Variants in NEK10 observed in about 807,000 individuals in gnomAD.
The protein encoded by NEK10 is serine/threonine-protein kinase Nek10.
Under a neutral mutation model 159.8 loss-of-function variants are expected in NEK10, and 122 were observed. That is an observed-to-expected ratio of 0.76 (90% CI 0.66 to 0.89). NEK10 has a LOEUF of 0.89. Ranked by LOEUF, NEK10 falls within the 40% of genes least tolerant of loss-of-function variation. NEK10 has a pLI of 0.00. For synonymous variants in NEK10, 466 were observed against 457.1 expected (o/e 1.02, Z -0.25); for missense variants, 1,342 against 1,323.1 (o/e 1.01, Z -0.22).
At chr3:27,311,446 C>T (rs1190485491) in intron 8 of NEK10, 1 of 157,436 alleles carries the variant, frequency 6.4e-6, no homozygotes, top group African/African-American at 2.4e-5. Context: ...TTCCTAGTGC[C>T]CAGGGCTTGC....
intron 23 of NEK10, among the ~76,000 whole-genome samples, chr3:27,203,897 A>G (rs1473127040): frequency 3.3e-5 from 5 of 152,212 alleles, no homozygotes; most frequent in African/African-American, 1.2e-4. Flanking sequence ...TCAGTTCAAT[A>G]ATACGGAAAT....
intron 22 of NEK10, among the ~76,000 whole-genome samples, chr3:27,264,514 T>G (rs1025680295): frequency 1.3e-5 from 2 of 152,198 alleles, no homozygotes; most frequent in Non-Finnish European, 1.5e-5. Context: ...GTGAGTTCAA[T>G]AGAAGCCTGA....
chr3:27,245,704 C>G (rs932992942), intron 23 of NEK10, among the ~76,000 whole-genome samples: 1 of 152,144 alleles, frequency 6.6e-6, no homozygotes, highest in Non-Finnish European at 1.5e-5. Context: ...TGTTATGCAT[C>G]CAATACATAT....
chr3:27,147,674 A>G (rs1185378501), intron 30 of NEK10, among the ~76,000 whole-genome samples: 2 of 152,134 alleles, frequency 1.3e-5, no homozygotes, highest in East Asian at 1.9e-4. Context: ...TTAACTAACA[A>G]TCTACACCAA....
At chr3:27,187,594 C>T (rs908162315) in intron 26 of NEK10, among the ~76,000 whole-genome samples, 1 of 151,776 alleles carries the variant, frequency 6.6e-6, no homozygotes, top group East Asian at 1.9e-4. Context: ...AGAGAGAAGA[C>T]AGAAACCAGG....
At chr3:27,271,903 T>G (rs1352572760) in intron 22 of NEK10, among the ~76,000 whole-genome samples, 2 of 152,130 alleles carry the variant, frequency 1.3e-5, no homozygotes, top group Non-Finnish European at 2.9e-5. Context: ...GGACAAATGA[T>G]ACAGAAAATG....
intron 5 of NEK10, among the ~76,000 whole-genome samples, chr3:27,333,501 G>A (rs1339120401): frequency 4.0e-5 from 6 of 150,086 alleles, no homozygotes; most frequent in Admixed American, 1.3e-4. Flanking sequence ...AGCCCAGATC[G>A]CATCATTGCA....
At chr3:27,308,280 A>G (rs534677451) in intron 10 of NEK10, among the ~76,000 whole-genome samples, 2 of 152,318 alleles carry the variant, frequency 1.3e-5, no homozygotes, top group Admixed American at 6.5e-5. Flanking sequence ...CCATGATTCA[A>G]TGACCTCCAC....
intron 1 of NEK10, chr3:27,363,736 T>C (rs1330439736): frequency 3.3e-5 from 5 of 152,188 alleles, no homozygotes; most frequent in Admixed American, 3.3e-4. Flanking sequence ...GAAAGATGAG[T>C]ATTCACATTG....
intron 12 of NEK10, among the ~76,000 whole-genome samples, chr3:27,302,974 G>T (rs2149546064): frequency 6.6e-6 from 1 of 152,256 alleles, no homozygotes; most frequent in Non-Finnish European, 1.5e-5. Context: ...CCCAGAAACT[G>T]CCCTGAAAAC....
intron 24 of NEK10, among the ~76,000 whole-genome samples, chr3:27,201,802 T>C (rs1351603397): frequency 6.6e-6 from 1 of 152,164 alleles, no homozygotes; most frequent in Non-Finnish European, 1.5e-5. Context: ...CTTAGATTCA[T>C]AATAAAATGG....
chr3:27,206,884 T>C (rs1250275774), intron 23 of NEK10, among the ~76,000 whole-genome samples: 1 of 152,160 alleles, frequency 6.6e-6, no homozygotes, highest in African/African-American at 2.4e-5. Context: ...GATAGCTCCC[T>C]GGGAGATATC....
At chr3:27,161,091 T>A (rs956879490) in intron 30 of NEK10, among the ~76,000 whole-genome samples, 2 of 152,192 alleles carry the variant, frequency 1.3e-5, no homozygotes, top group Non-Finnish European at 2.9e-5. Context: ...CGACATAAAA[T>A]CAAGTCTTGC....
rs115273844 is a variant in NEK10, at chr3:27,271,526, A to T, written c.2014+13076T>A. ...GTCATCTTATTCTTACTAAAATGCC[A>T]TTTATTTTGAAAGGCAAAAACTGAG... On this transcript the variant is annotated intron_variant, in intron 22 of 35. Coordinates refer to ENST00000691995, the MANE Select transcript of NEK10 (RefSeq NM_001394966.1). 8.8e-3 allele frequency among the ~76,000 whole-genome samples: 1,344 copies of T among 152,278 alleles called. 24 individuals are homozygous for T. The highest frequency in any genetic ancestry group is 0.03 in the African/African-American group (1,248 of 41,560).
At chr3:27,137,569 C>T (rs969867931) in intron 31 of NEK10, among the ~76,000 whole-genome samples, 15 of 152,172 alleles carry the variant, frequency 9.9e-5, no homozygotes, top group Middle Eastern at 3.2e-3. Flanking sequence ...AACCACTTTA[C>T]TCAATATAGA....
At chr3:27,218,693 G>A (rs937197196) in intron 23 of NEK10, among the ~76,000 whole-genome samples, 3 of 107,210 alleles carry the variant, frequency 2.8e-5, no homozygotes, top group South Asian at 2.9e-4. Context: ...CTTAAAATAC[G>A]AAAATCAATC....
intron 8 of NEK10, 74 bp from the exon 9 acceptor site, chr3:27,311,090 C>T: frequency 1.1e-6 from 1 of 900,954 alleles, no homozygotes; most frequent in Admixed American, 1.7e-5. Context: ...CACAGATCTG[C>T]AGTGCATATG....
chr3:27,226,563 TG>T (rs1952668068), intron 23 of NEK10, among the ~76,000 whole-genome samples: 1 of 152,314 alleles, frequency 6.6e-6, no homozygotes. Context: ...TTTTTAACTC[TG>T]GGTCACCTCT....
At chr3:27,212,011 C>T (rs913384904) in intron 23 of NEK10, among the ~76,000 whole-genome samples, 1 of 152,154 alleles carries the variant, frequency 6.6e-6, no homozygotes, top group African/African-American at 2.4e-5. Context: ...ATATCTATTC[C>T]TGTTCCAAAT....
Sources: allele counts gnomAD v4.1 joint callset (sites outside exome capture counted in the v4.1 genomes callset), GRCh38; gene constraint gnomAD v4.1.1; transcripts MANE v1.5; gene names NCBI Gene and HGNC (gene_info 2026-07-23, HGNC 2026-07-21).